Variants in RAB8B observed in about 807,000 individuals in gnomAD.
RAB8B encodes ras-related protein Rab-8B.
In RAB8B, 11 loss-of-function variants were observed where a neutral mutation model predicts 32.0. That is an observed-to-expected ratio of 0.34 (90% confidence interval 0.22 to 0.57). The LOEUF (loss-of-function observed/expected upper bound fraction) is 0.57. Ranked by LOEUF, RAB8B falls within the 20% of genes least tolerant of loss-of-function variation. The pLI is 0.86. For synonymous variants in RAB8B, 103 were observed against 89.6 expected (o/e 1.15, Z -0.85); for missense variants, 190 against 258.5 (o/e 0.73, Z 1.82).
intron 1 of RAB8B, among the ~76,000 whole-genome samples, chr15:63,196,993 A>T (rs773518891): frequency 2.0e-5 from 3 of 152,168 alleles, no homozygotes; most frequent in Non-Finnish European, 4.4e-5. Context: ...ATTAGCTTCA[A>T]ACAATGCAAC....
At chr15:63,240,436 G>A (rs1050522299) in intron 1 of RAB8B, among the ~76,000 whole-genome samples, 3 of 152,072 alleles carry the variant, frequency 2.0e-5, no homozygotes, top group Non-Finnish European at 4.4e-5. Flanking sequence ...TATGGATGAG[G>A]ATATATAGGT....
Position 63,265,057 on chromosome 15 carries a change from G to A in RAB8B, c.*1438G>A, listed in dbSNP as rs2038234721. ...TGTCGTTGTTGCTCTAGCCTTCAGTGTCATAACACAGGGGGGATAAAACAG... is the reference window on the plus strand; with the variant it reads ...TGTCGTTGTTGCTCTAGCCTTCAGTATCATAACACAGGGGGGATAAAACAG... On this transcript the variant is annotated 3_prime_UTR_variant, in exon 8 of 8. Transcript: ENST00000321437. The surrounding 1 kb of genome is among the most constrained non-coding windows in gnomAD (Gnocchi z 4.9). 6.6e-6 allele frequency: 1 copy of A among 152,630 alleles called. No individual in the cohort carries two copies. The highest frequency in any genetic ancestry group is 1.5e-5 in the Non-Finnish European group (1 of 68,044). The allele number at this position is 152,630 out of a possible 1,614,324, so 9.5% of individuals were successfully genotyped here.
At chr15:63,214,751 G>A (rs1473172293) in intron 1 of RAB8B, among the ~76,000 whole-genome samples, 1 of 152,132 alleles carries the variant, frequency 6.6e-6, no homozygotes, top group Admixed American at 6.5e-5. Flanking sequence ...TAACCCTTGA[G>A]CTGTGGGGGT....
At chr15:63,227,773 A>G (rs770145055) in intron 1 of RAB8B, among the ~76,000 whole-genome samples, 48 of 152,222 alleles carry the variant, frequency 3.2e-4, no homozygotes, top group Non-Finnish European at 5.9e-4. Flanking sequence ...AAAATATAAC[A>G]AAACAAATTG....
rs772669326 is a variant in RAB8B at position 63,263,577 on chromosome 15, C to T, written c.582C>T (p.Asn194=). 6.2e-7 allele frequency: 1 copy of T among 1,613,058 alleles called. No individual in the cohort carries two copies. The highest frequency in any genetic ancestry group is 8.5e-7 in the Non-Finnish European group (1 of 1,179,036). ...GTGGACCAGTGAAAATAACAGAAAA[C>T]CGATCAAAGAAGACCAGTTTCTTTC... The part of the protein sequence containing the change: ...GAGGPVKITE[N]RSKKTSFFRC... Residue 194 remains asparagine (N), a synonymous_variant, in exon 8 of 8, where the codon AAC becomes AAT. Transcript: ENST00000321437.
At chr15:63,208,599 T>G (rs1379548064) in intron 1 of RAB8B, among the ~76,000 whole-genome samples, 1 of 152,158 alleles carries the variant, frequency 6.6e-6, no homozygotes, top group Non-Finnish European at 1.5e-5. Flanking sequence ...TTCACAAAAT[T>G]AAAAAGTGTA....
At chr15:63,198,893 T>C (rs1354613573) in intron 1 of RAB8B, among the ~76,000 whole-genome samples, 1 of 152,236 alleles carries the variant, frequency 6.6e-6, no homozygotes, top group Non-Finnish European at 1.5e-5. Context: ...ATACACAAAA[T>C]CCATTACAAA....
intron 1 of RAB8B, among the ~76,000 whole-genome samples, chr15:63,199,679 G>T (rs1270733663): frequency 6.6e-6 from 1 of 151,356 alleles, no homozygotes; most frequent in African/African-American, 2.4e-5. Flanking sequence ...TTGTTTCTTT[G>T]TGGGCTTTTT....
At chr15:63,212,822 C>T (rs1447216401) in intron 1 of RAB8B, among the ~76,000 whole-genome samples, 1 of 152,170 alleles carries the variant, frequency 6.6e-6, no homozygotes, top group East Asian at 1.9e-4. Flanking sequence ...ATATAATCAT[C>T]CACAGATGTC....
At chr15:63,205,798 C>T (rs1467218987) in intron 1 of RAB8B, among the ~76,000 whole-genome samples, 3 of 152,192 alleles carry the variant, frequency 2.0e-5, no homozygotes, top group Non-Finnish European at 4.4e-5. Context: ...TTGATGTACC[C>T]AGAAAAGCAT....
At chr15:63,261,227 A>T (rs1029369791) in intron 6 of RAB8B, among the ~76,000 whole-genome samples, 1 of 152,218 alleles carries the variant, frequency 6.6e-6, no homozygotes, top group Non-Finnish European at 1.5e-5. Context: ...GTGAGCTATC[A>T]TCTCACCCCA....
rs534061829 is a variant in RAB8B at position 63,255,523 on chromosome 15, A to G, written c.263A>G (p.Tyr88Cys). ...CCCTTATAGGGCATTATGCTGGTCT[A>G]TGACATCACAAATGAAAAATCCTTT... The part of the protein sequence containing the change: ...YRGAMGIMLV[Y>C]DITNEKSFDN... Residue 88 changes from tyrosine (Y) to cysteine (C), a missense_variant, in exon 4 of 8, where the codon TAT (tyrosine) becomes TGT (cysteine). Tyr to Cys is a radical substitution (Grantham distance 194). Around this residue, in one of 2 missense-constraint regions of RAB8B, gnomAD observed 80 missense variants for 142.6 expected, o/e 0.56. Transcript: ENST00000321437. The G allele has an allele frequency of 1.9e-6, 3 of 1,603,362 alleles. No individual in the cohort carries two copies. Among genetic ancestry groups the G allele is most frequent in the Admixed American group, 1.7e-5 (1 of 60,020 alleles).
chr15:63,197,548 A>G (rs1227802191), intron 1 of RAB8B, among the ~76,000 whole-genome samples: 2 of 150,686 alleles, frequency 1.3e-5, no homozygotes, highest in African/African-American at 2.4e-5. Context: ...TAATTTTTGT[A>G]TTTTTTACAG....
intron 1 of RAB8B, among the ~76,000 whole-genome samples, chr15:63,201,988 C>T (rs942140052): frequency 6.7e-6 from 1 of 149,798 alleles, no homozygotes; most frequent in Non-Finnish European, 1.5e-5. Flanking sequence ...CGCGGTGGCT[C>T]ACACCTGTAA....
At chr15:63,237,915 G>A (rs1402208199) in intron 1 of RAB8B, among the ~76,000 whole-genome samples, 1 of 151,932 alleles carries the variant, frequency 6.6e-6, no homozygotes, top group Non-Finnish European at 1.5e-5. Flanking sequence ...TTTGTATATG[G>A]CAAGAGGTGG....
chr15:63,226,787 T>A (rs2037892035), intron 1 of RAB8B, among the ~76,000 whole-genome samples: 1 of 152,202 alleles, frequency 6.6e-6, no homozygotes, highest in African/African-American at 2.4e-5. Flanking sequence ...CAGTGCAAAG[T>A]GAAAGCAAGT....
chr15:63,233,882 T>C (rs1461625647), intron 1 of RAB8B, among the ~76,000 whole-genome samples: 3 of 152,182 alleles, frequency 2.0e-5, no homozygotes, highest in African/African-American at 7.2e-5. Context: ...ATAGATAACC[T>C]TTGTAGAAAA....
chr15:63,212,020 A>C (rs527976565), intron 1 of RAB8B, among the ~76,000 whole-genome samples: 1 of 152,022 alleles, frequency 6.6e-6, no homozygotes, highest in East Asian at 1.9e-4. Flanking sequence ...TTTTTAAGAG[A>C]GGGAGTCTCT....
At chr15:63,218,406 A>T (rs1338952498) in intron 1 of RAB8B, among the ~76,000 whole-genome samples, 1 of 152,240 alleles carries the variant, frequency 6.6e-6, no homozygotes, top group African/African-American at 2.4e-5. Flanking sequence ...AGCTGTCAGC[A>T]TCATTATCTG....
Sources: gnomAD v4.1 joint callset for allele counts (sites outside exome capture counted in the v4.1 genomes callset) on GRCh38, gnomAD v4.1.1 for gene constraint, gnomAD v4.1.1 regional missense constraint, Gnocchi (gnomAD v3.1) non-coding constraint, MANE v1.5 for transcripts, NCBI Gene and HGNC (gene_info 2026-07-23, HGNC 2026-07-21) for gene names.